Variants in CAPZA1 observed in about 807,000 individuals in gnomAD.
The protein encoded by CAPZA1 is F-actin-capping protein subunit alpha-1.
CAPZA1 carries 10 observed loss-of-function variants against 40.8 expected under a neutral mutation model. The observed-to-expected ratio is 0.25, with a 90% CI of 0.15 to 0.42. The LOEUF (loss-of-function observed/expected upper bound fraction) is 0.42. CAPZA1 is among the 10% of genes least tolerant of loss of function. CAPZA1 has a pLI of 1.00. For missense variants in CAPZA1, 277 were observed against 353.8 expected, an observed-to-expected ratio of 0.78 and a Z score of 1.74; for synonymous variants, 98 against 115.0, an observed-to-expected ratio of 0.85 and a Z score of 0.95.
At chr1:112,636,736 CT>C (rs1224661965) in intron 1 of CAPZA1, among the ~76,000 whole-genome samples, 1 of 152,020 alleles carries the variant, frequency 6.6e-6, no homozygotes, top group Non-Finnish European at 1.5e-5. Context: ...TGCCTTCTTT[CT>C]TTCACTCTCC....
chr1:112,658,649 T>C (rs920135557), intron 5 of CAPZA1, among the ~76,000 whole-genome samples: 1 of 152,236 alleles, frequency 6.6e-6, no homozygotes, highest in Admixed American at 6.5e-5. Flanking sequence ...CTTTCATTAG[T>C]CCACTTCACA....
intron 3 of CAPZA1, among the ~76,000 whole-genome samples, chr1:112,651,023 T>A (rs1282406505): frequency 6.6e-6 from 1 of 152,224 alleles, no homozygotes; most frequent in Admixed American, 6.5e-5. Context: ...TCAGTTTTAT[T>A]TCTGTATTAA....
At chr1:112,667,005 A>G in intron 7 of CAPZA1, 69 bp from the exon 8 acceptor site, 4 of 1,061,214 alleles carry the variant, frequency 3.8e-6, no homozygotes, top group Non-Finnish European at 5.7e-6. Flanking sequence ...TAAAGCATGG[A>G]TTTGTGTCCT....
At chr1:112,620,524 C>T (rs573863887) in intron 1 of CAPZA1, 1 of 152,344 alleles carries the variant, frequency 6.6e-6, no homozygotes, top group East Asian at 1.9e-4. Flanking sequence ...ACCAGTCTTT[C>T]CCTATAGACA....
intron 3 of CAPZA1, among the ~76,000 whole-genome samples, chr1:112,651,735 G>T (rs1219253097): frequency 1.3e-5 from 2 of 151,680 alleles, no homozygotes; most frequent in South Asian, 2.1e-4. Context: ...TACTTTTTAT[G>T]AATAAATTGT....
intron 5 of CAPZA1, among the ~76,000 whole-genome samples, chr1:112,657,508 G>T (rs936220803): frequency 2.0e-5 from 3 of 152,072 alleles, no homozygotes; most frequent in Non-Finnish European, 4.4e-5. Flanking sequence ...CCTTGTCCAT[G>T]ACTTCCGAAT....
chr1:112,664,615 C>T (rs1375202400), intron 7 of CAPZA1, among the ~76,000 whole-genome samples: 1 of 152,082 alleles, frequency 6.6e-6, no homozygotes, highest in Non-Finnish European at 1.5e-5. Flanking sequence ...TAGTCGTAGT[C>T]CTCATCTCAT....
intron 1 of CAPZA1, among the ~76,000 whole-genome samples, chr1:112,635,842 C>A (rs1445310224): frequency 2.0e-5 from 3 of 152,048 alleles, no homozygotes; most frequent in Non-Finnish European, 2.9e-5. Context: ...CCAGCCTGGT[C>A]ACACGGTGAA....
At position 112,671,167 on chromosome 1, in the gene CAPZA1, A is replaced by G. The variant is rs538482739; in HGVS notation, c.*1035A>G. ...TAGGATGTAAAACTTCTTTCAAATTACTCTTCCTCAGTCCTGCCTGCCAAG... is the reference window on the plus strand; with the variant it reads ...TAGGATGTAAAACTTCTTTCAAATTGCTCTTCCTCAGTCCTGCCTGCCAAG... On this transcript the variant is annotated 3_prime_UTR_variant, in exon 10 of 10. Transcript: ENST00000263168. The G allele has an allele frequency of 3.9e-5, 6 of 152,662 alleles. No homozygotes were observed. The highest frequency in any genetic ancestry group is 1.4e-4 in the African/African-American group (6 of 41,544). 9.5% of individuals were successfully genotyped at this position (152,662 alleles called of 1,614,324 possible). A position where few individuals can be genotyped will look rare whatever the true frequency, so the allele number is the denominator to read the frequency against.
At chr1:112,660,264 TTGATTGATTGATTGAC>T (rs1247324155) in intron 7 of CAPZA1, among the ~76,000 whole-genome samples, 2 of 151,646 alleles carry the variant, frequency 1.3e-5, no homozygotes, top group African/African-American at 4.8e-5. Context: ...GATTGATTGA[TTGATTGATTGATTGAC>T]TGATTGATTG....
chr1:112,664,552 G>A (rs1671685790), intron 7 of CAPZA1, among the ~76,000 whole-genome samples: 1 of 152,180 alleles, frequency 6.6e-6, no homozygotes, highest in Admixed American at 6.5e-5. Flanking sequence ...ATAAGTTATT[G>A]TTTAATAACT....
At chr1:112,657,143 G>A (rs1044626535) in intron 5 of CAPZA1, among the ~76,000 whole-genome samples, 12 of 151,898 alleles carry the variant, frequency 7.9e-5, no homozygotes, top group African/African-American at 2.9e-4. Context: ...CTTGTAATCC[G>A]TTCGCCTCAG....
At position 112,659,689 on chromosome 1, in the gene CAPZA1, G is replaced by A. The variant is rs371329328; in HGVS notation, c.507-12G>A. On this transcript the variant is annotated splice_polypyrimidine_tract_variant and intron_variant, in intron 6 of 9. Transcript: ENST00000263168. ...TTGCTAATTCTGCAATGTTGTGTGTGTGTTTTAATAGGAATGGTCGTTGGA... is the reference window on the plus strand; with the variant it reads ...TTGCTAATTCTGCAATGTTGTGTGTATGTTTTAATAGGAATGGTCGTTGGA... 6 of 1,607,578 alleles carry A rather than the reference G, an allele frequency of 3.7e-6. No homozygotes were observed. The highest frequency in any genetic ancestry group is 1.1e-5 in the South Asian group (1 of 90,778).
chr1:112,620,818 A>G (rs1483285808), intron 1 of CAPZA1: 1 of 152,210 alleles, frequency 6.6e-6, no homozygotes, highest in African/African-American at 2.4e-5. Context: ...TGACAGTTGC[A>G]CAGTTTCATA....
chr1:112,667,410 C>T (rs1385598820), intron 8 of CAPZA1, among the ~76,000 whole-genome samples: 1 of 152,178 alleles, frequency 6.6e-6, no homozygotes, highest in African/African-American at 2.4e-5. Context: ...ACAGCAATAC[C>T]TTCATTCAAT....
At position 112,642,697 on chromosome 1, in the gene CAPZA1, G is replaced by T. The variant is rs1429056271; in HGVS notation, c.40-4513G>T. On this transcript the variant is annotated intron_variant, in intron 1 of 9. Coordinates refer to ENST00000263168, the MANE Select transcript of CAPZA1 (RefSeq NM_006135.3). ...ACTTCTCTTCCTAGTTTGCCGAATG[G>T]GTGAATTATTACTTTTTTATATGCG... 8.6e-5 allele frequency among the ~76,000 whole-genome samples: 13 copies of T among 152,018 alleles called. No homozygotes were observed. The East Asian group carries it at 2.3e-3, about 27-fold the overall frequency.
At chr1:112,654,960 CTTTT>C (rs987571607) in intron 5 of CAPZA1, among the ~76,000 whole-genome samples, 3 of 151,498 alleles carry the variant, frequency 2.0e-5, no homozygotes, top group Non-Finnish European at 4.4e-5. Flanking sequence ...TTTGGTTTTT[CTTTT>C]TTTCTTTCTT....
chr1:112,660,292 T>C (rs1368709976), intron 7 of CAPZA1, among the ~76,000 whole-genome samples: 1 of 152,050 alleles, frequency 6.6e-6, no homozygotes, highest in Non-Finnish European at 1.5e-5. Context: ...GATTGATTGA[T>C]TTTTGAGATG....
At chr1:112,620,816 GCA>G (rs1427207825) in intron 1 of CAPZA1, 2 of 152,144 alleles carry the variant, frequency 1.3e-5, no homozygotes, top group Non-Finnish European at 2.9e-5. Context: ...TCTGACAGTT[GCA>G]CAGTTTCATA....
Sources: gnomAD v4.1 joint callset for allele counts (sites outside exome capture counted in the v4.1 genomes callset) on GRCh38, gnomAD v4.1.1 for gene constraint, MANE v1.5 for transcripts, NCBI Gene and HGNC (gene_info 2026-07-23, HGNC 2026-07-21) for gene names.